The following CHCHD3 variants were observed in gnomAD, a reference collection of about 807,000 sequenced individuals.
CHCHD3 encodes the protein coiled-coil-helix-coiled-coil-helix domain containing 3.
In CHCHD3, 20 loss-of-function variants were observed where a neutral mutation model predicts 38.2. That is an observed-to-expected ratio of 0.52 (90% CI 0.37 to 0.76). The LOEUF is 0.76. CHCHD3 is among the 30% of genes least tolerant of loss of function. The pLI, the probability that CHCHD3 is intolerant of heterozygous loss-of-function variation, is 0.00. For synonymous variants in CHCHD3, 82 were observed against 100.0 expected (o/e 0.82, Z 1.07); for missense variants, 245 against 279.2 (o/e 0.88, Z 0.87).
chr7:132,920,231 C>G (rs905315051), intron 4 of CHCHD3, among the ~76,000 whole-genome samples: 2 of 152,172 alleles, frequency 1.3e-5, no homozygotes, highest in Non-Finnish European at 2.9e-5. Flanking sequence ...ATTCATTACT[C>G]ATTTTCTGTC....
intron 4 of CHCHD3, among the ~76,000 whole-genome samples, chr7:132,925,856 G>A (rs75101447): frequency 6.6e-6 from 1 of 152,128 alleles, no homozygotes; most frequent in Non-Finnish European, 1.5e-5. Flanking sequence ...GTTGGGGATG[G>A]GGGAAAATGC....
At chr7:133,031,945 T>G (rs1813516166) in intron 2 of CHCHD3, among the ~76,000 whole-genome samples, 1 of 152,142 alleles carries the variant, frequency 6.6e-6, no homozygotes, top group East Asian at 1.9e-4. Flanking sequence ...TGAAGAGCAA[T>G]TATTGTTTAA....
chr7:132,940,484 G>A (rs1316683553), intron 4 of CHCHD3, among the ~76,000 whole-genome samples: 2 of 152,164 alleles, frequency 1.3e-5, no homozygotes, highest in Non-Finnish European at 2.9e-5. Flanking sequence ...TTCATTCCCT[G>A]CATCCTTACA....
intron 6 of CHCHD3, among the ~76,000 whole-genome samples, chr7:132,815,025 T>C (rs1395255166): frequency 6.6e-6 from 1 of 152,194 alleles, no homozygotes; most frequent in Non-Finnish European, 1.5e-5. Flanking sequence ...CTAAATTGAA[T>C]AGCATAATGA....
chr7:132,792,195 G>T (rs1806478855), intron 7 of CHCHD3, among the ~76,000 whole-genome samples: 1 of 152,170 alleles, frequency 6.6e-6, no homozygotes, highest in Non-Finnish European at 1.5e-5. Flanking sequence ...TGTTTTCAGA[G>T]TCACACTTCC....
intron 2 of CHCHD3, among the ~76,000 whole-genome samples, chr7:133,043,147 C>T (rs1014814240): frequency 1.3e-5 from 2 of 152,008 alleles, no homozygotes; most frequent in Non-Finnish European, 2.9e-5. Flanking sequence ...GGATTACAGC[C>T]GTGAACCATC....
At chr7:133,062,506 C>T (rs1814545246) in intron 2 of CHCHD3, among the ~76,000 whole-genome samples, 1 of 152,060 alleles carries the variant, frequency 6.6e-6, no homozygotes, top group Non-Finnish European at 1.5e-5. Flanking sequence ...TGGTGACACC[C>T]ATGATTTGCT....
chr7:132,886,999 T>C, intron 4 of CHCHD3: 1 of 1,282,250 alleles, frequency 7.8e-7, no homozygotes, highest in Non-Finnish European at 9.9e-7. Context: ...CTGCAGCATG[T>C]TAAAAATAAA....
chr7:132,840,806 A>G (rs992484066), intron 5 of CHCHD3, among the ~76,000 whole-genome samples: 7 of 152,232 alleles, frequency 4.6e-5, no homozygotes, highest in African/African-American at 1.4e-4. Context: ...ACAGTTTGCC[A>G]TAATACAAAT....
intron 4 of CHCHD3, among the ~76,000 whole-genome samples, chr7:132,924,395 A>C (rs538539155): frequency 3.9e-4 from 59 of 152,296 alleles, no homozygotes; most frequent in South Asian, 2.1e-3. Flanking sequence ...TTTTTAATTT[A>C]TTAATGTGTC....
At chr7:133,016,187 A>G (rs80313136) in intron 3 of CHCHD3, among the ~76,000 whole-genome samples, 3,574 of 152,298 alleles carry the variant, frequency 0.023, 75 homozygotes, top group Middle Eastern at 0.034. Context: ...TCATTTATAA[A>G]ATGAGGATAA....
intron 4 of CHCHD3, among the ~76,000 whole-genome samples, chr7:132,904,699 T>C (rs1809753486): frequency 6.6e-6 from 1 of 152,200 alleles, no homozygotes; most frequent in Non-Finnish European, 1.5e-5. Flanking sequence ...CTCAGGGATC[T>C]AGAACTAGAA....
chr7:132,826,975 G>A (rs1807523980), intron 6 of CHCHD3, among the ~76,000 whole-genome samples: 1 of 152,074 alleles, frequency 6.6e-6, no homozygotes, highest in South Asian at 2.1e-4. Context: ...TGAAATACAA[G>A]CAAGATTTAT....
At chr7:132,951,563 T>C (rs1244752416) in intron 4 of CHCHD3, among the ~76,000 whole-genome samples, 3 of 152,138 alleles carry the variant, frequency 2.0e-5, no homozygotes, top group Non-Finnish European at 4.4e-5. Flanking sequence ...ATAGCCTAGG[T>C]ATGTAGGGTA....
chr7:132,859,472 C>G (rs4728268), intron 5 of CHCHD3, among the ~76,000 whole-genome samples: 35,096 of 151,988 alleles, frequency 0.23, 4,230 homozygotes, highest in South Asian at 0.26. Flanking sequence ...ACTGATACAG[C>G]AATTATAAAG....
chr7:132,879,162 A>AT (rs1250741548), intron 5 of CHCHD3, among the ~76,000 whole-genome samples: 1 of 152,182 alleles, frequency 6.6e-6, no homozygotes, highest in Non-Finnish European at 1.5e-5. Flanking sequence ...TTAGTCTTCC[A>AT]TTTTTTACAT....
chr7:132,815,065 T>TAA (rs969418585), intron 6 of CHCHD3, among the ~76,000 whole-genome samples: 1 of 152,216 alleles, frequency 6.6e-6, no homozygotes, highest in African/African-American at 2.4e-5. Context: ...ACATACTGTA[T>TAA]AATGAAATAA....
chr7:132,786,359 G>T (rs1156599617), intron 7 of CHCHD3, among the ~76,000 whole-genome samples: 1 of 152,158 alleles, frequency 6.6e-6, no homozygotes, highest in Non-Finnish European at 1.5e-5. Flanking sequence ...GGGGGAGAAC[G>T]CAGATGTTCA....
chr7:132,832,455 A>G (rs1330332917), intron 6 of CHCHD3, among the ~76,000 whole-genome samples: 1 of 152,220 alleles, frequency 6.6e-6, no homozygotes, highest in Admixed American at 6.5e-5. Context: ...CTCTAATGAA[A>G]TCATTCCAAA....
Sources: gnomAD v4.1 joint callset for allele counts (sites outside exome capture counted in the v4.1 genomes callset) on GRCh38, gnomAD v4.1.1 for gene constraint, MANE v1.5 for transcripts, NCBI Gene and HGNC (gene_info 2026-07-23, HGNC 2026-07-21) for gene names.